Variants in TEX36 observed in about 807,000 individuals in gnomAD.
TEX36 encodes testis expressed 36, also known as testis-expressed protein 36.
TEX36 carries 12 observed loss-of-function variants against 13.6 expected under a neutral mutation model. The ratio of observed to expected loss-of-function variants is 0.88; its 90% CI spans 0.56 to 1.43. The LOEUF is 1.43. Among genes scored for constraint, TEX36 ranks in the 40% most tolerant of loss-of-function variants. The pLI, the probability that TEX36 is intolerant of heterozygous loss-of-function variation, is 0.00. For synonymous variants in TEX36, 93 were observed against 83.0 expected, an observed-to-expected ratio of 1.12 and a Z score of -0.65; for missense variants, 224 against 228.3, an observed-to-expected ratio of 0.98 and a Z score of 0.12.
rs2133595547 is a variant in TEX36 at position 125,661,121 on chromosome 10, G to A, written c.184-20C>T. The A allele has an allele frequency of 6.5e-7, 1 of 1,543,100 alleles. No individual in the cohort carries two copies. Among genetic ancestry groups the A allele is most frequent in the East Asian group, 2.4e-5 (1 of 40,874 alleles). On this transcript the variant is annotated intron_variant, in intron 2 of 3. Coordinates refer to ENST00000368821, the MANE Select transcript of TEX36 (RefSeq NM_001128202.3). The stretch of plus-strand genomic sequence containing the variant: ...TGCTTGCTGGAAAAGTGGGATGGAA[G>A]GGAAAGAGCACACATTAGAACCCTG...
chr10:125,650,923 T>C (rs961797719), downstream of TEX36, among the ~76,000 whole-genome samples: 1 of 152,150 alleles, frequency 6.6e-6, no homozygotes, highest in Admixed American at 6.5e-5. Context: ...CCTGGACACA[T>C]ACACCCTCCC....
chr10:125,594,536 T>G (rs1400681836), intron 3 of TEX36, among the ~76,000 whole-genome samples: 2 of 152,158 alleles, frequency 1.3e-5, no homozygotes, highest in Non-Finnish European at 2.9e-5. Context: ...CTCTCAGAAA[T>G]TAATCAAGTA....
At chr10:125,597,563 AG>A (rs1846095812) in intron 3 of TEX36, among the ~76,000 whole-genome samples, 1 of 152,230 alleles carries the variant, frequency 6.6e-6, no homozygotes, top group Middle Eastern at 3.2e-3. Context: ...TGGCCCAAAA[AG>A]GCAGGATATC....
At chr10:125,608,892 T>A (rs1846251287) in intron 3 of TEX36, among the ~76,000 whole-genome samples, 1 of 147,808 alleles carries the variant, frequency 6.8e-6, no homozygotes, top group East Asian at 2.0e-4. Context: ...CCCAGCACTT[T>A]GGGAGGCCGA....
chr10:125,660,041 A>T (rs1442804738), intron 3 of TEX36, among the ~76,000 whole-genome samples: 1 of 152,216 alleles, frequency 6.6e-6, no homozygotes, highest in Non-Finnish European at 1.5e-5. Flanking sequence ...CTTGGTTTGG[A>T]AGGAAGAATG....
At chr10:125,612,260 T>G (rs1229304522) in intron 3 of TEX36, among the ~76,000 whole-genome samples, 1 of 141,958 alleles carries the variant, frequency 7.0e-6, no homozygotes, top group East Asian at 2.4e-4. Context: ...ATTTTTGTAT[T>G]TTTAGTAGAG....
Position 125,657,940 on chromosome 10 carries a change from G to C in TEX36, c.265-1744C>G, listed in dbSNP as rs180778445. 4.4e-3 allele frequency among the ~76,000 whole-genome samples: 672 copies of C among 152,270 alleles called. 4 individuals are homozygous for C. Among genetic ancestry groups the C allele is most frequent in the Admixed American group, 0.012 (188 of 15,294 alleles). Reference sequence around the variant, plus strand: ...TATTTGTACTTGAGGGCAAGTACTTGTAGAATATCAGTAGAAGTCAGAGTG... The same window carrying C: ...TATTTGTACTTGAGGGCAAGTACTTCTAGAATATCAGTAGAAGTCAGAGTG... On this transcript the variant is annotated intron_variant, in intron 3 of 3. Transcript: ENST00000368821.
At position 125,655,937 on chromosome 10, in the gene TEX36, G is replaced by A. The variant is rs1221240891; in HGVS notation, c.524C>T (p.Thr175Ile). 6.5e-6 allele frequency: 10 copies of A among 1,544,930 alleles called. No homozygotes were observed. Among genetic ancestry groups the A allele is most frequent in the Non-Finnish European group, 8.7e-6 (10 of 1,143,936 alleles). The change falls in exon 4 of 4, where the codon ACT (threonine) becomes ATT (isoleucine). Residue 175 changes from threonine (T) to isoleucine (I), a missense_variant. Transcript: ENST00000368821. The stretch of plus-strand genomic sequence containing the variant: ...TGAAGAAACAACCTTTTTGTCAACA[G>A]TGAACCTTACTTTGGGCTTCTTTTT... ...VLKKKPKVRF[T>I]VDKKVVSSLE... is the part of the protein sequence containing the mutation.
intron 3 of TEX36, among the ~76,000 whole-genome samples, chr10:125,636,507 C>T (rs1846625981): frequency 6.6e-6 from 1 of 152,196 alleles, no homozygotes; most frequent in South Asian, 2.1e-4. Context: ...AGCCACCACG[C>T]CCAGCCTTGC....
intron 1 of TEX36, among the ~76,000 whole-genome samples, chr10:125,671,983 T>A (rs1329035334): frequency 6.6e-6 from 1 of 152,192 alleles, no homozygotes; most frequent in Non-Finnish European, 1.5e-5. Flanking sequence ...CATATCCCCT[T>A]TATCATTTTT....
chr10:125,605,482 T>C (rs1009051365), intron 3 of TEX36, among the ~76,000 whole-genome samples: 4 of 151,848 alleles, frequency 2.6e-5, no homozygotes, highest in African/African-American at 7.3e-5. Flanking sequence ...TTAATCTCCA[T>C]ACACAGCATA....
At chr10:125,576,672 C>A in exon 4 of TEX36, 1 of 1,505,028 alleles carries the variant, frequency 6.6e-7, no homozygotes, top group Non-Finnish European at 8.9e-7. Flanking sequence ...ACAAAAGGTC[C>A]TTTTCTTCCC....
intron 3 of TEX36, among the ~76,000 whole-genome samples, chr10:125,639,519 T>G (rs1846657717): frequency 6.6e-6 from 1 of 152,018 alleles, no homozygotes; most frequent in African/African-American, 2.4e-5. Flanking sequence ...ACATAAGGTC[T>G]TTGGGCATGT....
intron 3 of TEX36, among the ~76,000 whole-genome samples, chr10:125,578,756 C>A (rs1845853993): frequency 6.6e-6 from 1 of 152,168 alleles, no homozygotes; most frequent in Non-Finnish European, 1.5e-5. Context: ...GTCCCTTCAG[C>A]CATTATCCCC....
chr10:125,617,131 T>C (rs936011756), downstream of TEX36, among the ~76,000 whole-genome samples: 2 of 151,966 alleles, frequency 1.3e-5, no homozygotes, highest in Non-Finnish European at 2.9e-5. Flanking sequence ...TTGTTTTCCA[T>C]TTGCTTGGTA....
At chr10:125,587,061 T>C (rs1845962946) in intron 3 of TEX36, among the ~76,000 whole-genome samples, 1 of 152,220 alleles carries the variant, frequency 6.6e-6, no homozygotes, top group East Asian at 1.9e-4. Flanking sequence ...TACTTCCTCT[T>C]TGCCTTCCAT....
intron 1 of TEX36, 134 bp from the exon 2 acceptor site, chr10:125,662,111 T>C (rs1279310012): frequency 8.2e-7 from 1 of 1,221,008 alleles, no homozygotes; most frequent in Non-Finnish European, 1.1e-6. Context: ...GGCATAATTT[T>C]TGTAATTTTC....
At chr10:125,637,440 T>A (rs2133572184) in intron 3 of TEX36, among the ~76,000 whole-genome samples, 1 of 152,270 alleles carries the variant, frequency 6.6e-6, no homozygotes, top group South Asian at 2.1e-4. Flanking sequence ...CTAGATGAGA[T>A]CCCATTGTAT....
At chr10:125,642,896 G>A (rs1846711078) in intron 3 of TEX36, among the ~76,000 whole-genome samples, 1 of 152,122 alleles carries the variant, frequency 6.6e-6, no homozygotes, top group African/African-American at 2.4e-5. Context: ...CTTTTAGATT[G>A]CCTTCTATCT....
Sources: allele counts gnomAD v4.1 joint callset (sites outside exome capture counted in the v4.1 genomes callset), GRCh38; gene constraint gnomAD v4.1.1; transcripts MANE v1.5; gene names NCBI Gene and HGNC (gene_info 2026-07-23, HGNC 2026-07-21).